UTS2: variants seen among roughly 807,000 people sequenced by gnomAD.
The protein encoded by UTS2 is urotensin 2, also known as urotensin-2.
In UTS2, 10 loss-of-function variants were observed where a neutral mutation model predicts 12.6. That is an observed-to-expected ratio of 0.80 (90% CI 0.49 to 1.35). The LOEUF (loss-of-function observed/expected upper bound fraction) is 1.35, where lower values mean the gene tolerates loss of function less well. Among genes scored for constraint, UTS2 ranks in the 40% most tolerant of loss-of-function variants. UTS2 has a pLI of 0.00. For missense variants in UTS2, 142 were observed against 143.2 expected (o/e 0.99, Z 0.04); for synonymous variants, 52 against 50.0 (o/e 1.04, Z -0.17).
At chr1:7,883,437 G>A in the UTS2 span, among the ~76,000 whole-genome samples, 16 of 152,114 alleles carry the variant, frequency 1.1e-4, no homozygotes, top group Non-Finnish European at 2.4e-4. Flanking sequence ...CAGTTTGAGA[G>A]AAGGAATAAG....
At chr1:7,861,763 G>T in the UTS2 span, among the ~76,000 whole-genome samples, 2 of 152,124 alleles carry the variant, frequency 1.3e-5, no homozygotes, top group African/African-American at 2.4e-5. Flanking sequence ...CCCAGTGGTG[G>T]TTAGGTACAG....
At chr1:7,849,833 G>C (rs2097412073) in intron 2 of UTS2, 150 bp from the exon 3 acceptor site, 1 of 651,952 alleles carries the variant, frequency 1.5e-6, no homozygotes, top group Non-Finnish European at 2.5e-6. Context: ...AGACAGACAG[G>C]CACTCCTGTT....
chr1:7,881,559 GAATT>G, the UTS2 span, among the ~76,000 whole-genome samples: 1 of 151,964 alleles, frequency 6.6e-6, no homozygotes, highest in Non-Finnish European at 1.5e-5. Context: ...AAAAATCTAG[GAATT>G]AATTTAACCA....
the UTS2 span, among the ~76,000 whole-genome samples, chr1:7,872,173 C>T: frequency 6.6e-5 from 10 of 151,440 alleles, no homozygotes; most frequent in East Asian, 1.9e-4. Flanking sequence ...TGGTGGCACG[C>T]GCCTATAGTC....
At chr1:7,911,845 G>A in the UTS2 span, among the ~76,000 whole-genome samples, 4 of 146,542 alleles carry the variant, frequency 2.7e-5, no homozygotes, top group Admixed American at 7.1e-5. Context: ...AGGTTACAGT[G>A]AGCCAAGATC....
chr1:7,879,736 G>C, the UTS2 span, among the ~76,000 whole-genome samples: 2 of 142,866 alleles, frequency 1.4e-5, no homozygotes, highest in African/African-American at 5.5e-5. Context: ...GCAAGACTCT[G>C]TCTAACAACA....
chr1:7,893,968 A>G, the UTS2 span, among the ~76,000 whole-genome samples: 2 of 152,040 alleles, frequency 1.3e-5, no homozygotes, highest in African/African-American at 4.8e-5. Flanking sequence ...CTAGAGAGAG[A>G]ATTCGGGTCT....
At chr1:7,893,794 G>A in the UTS2 span, among the ~76,000 whole-genome samples, 1 of 152,050 alleles carries the variant, frequency 6.6e-6, no homozygotes, top group Non-Finnish European at 1.5e-5. Flanking sequence ...ATATTTCGTC[G>A]CACTTTTTAA....
upstream of UTS2, chr1:7,853,618 G>A (rs1182298287): frequency 4.6e-6 from 3 of 645,848 alleles, no homozygotes; most frequent in Non-Finnish European, 7.5e-6. Context: ...GTGGCCTCAT[G>A]TGAAGCCGCA....
chr1:7,847,956 A>G (rs2097409565), intron 3 of UTS2, 74 bp from the exon 4 acceptor site: 1 of 1,077,378 alleles, frequency 9.3e-7, no homozygotes, highest in African/African-American at 1.6e-5. Flanking sequence ...TTCCTATAAG[A>G]AAAAGGAATC....
At chr1:7,867,791 G>A in the UTS2 span, among the ~76,000 whole-genome samples, 13 of 152,146 alleles carry the variant, frequency 8.5e-5, no homozygotes, top group Non-Finnish European at 1.5e-4. Flanking sequence ...CAGGAGAATC[G>A]CTTGAACCCG....
the UTS2 span, among the ~76,000 whole-genome samples, chr1:7,871,068 T>C: frequency 6.6e-5 from 10 of 152,376 alleles, no homozygotes; most frequent in South Asian, 1.2e-3. Context: ...CTAAAGCCAC[T>C]GTTGGCAGAA....
chr1:7,853,794 G>C (rs1166338375), upstream of UTS2, among the ~76,000 whole-genome samples: 1 of 152,234 alleles, frequency 6.6e-6, no homozygotes, highest in African/African-American at 2.4e-5. Context: ...CCGGATGGGT[G>C]GAAAGGTCCC....
chr1:7,887,644 T>C, the UTS2 span, among the ~76,000 whole-genome samples: 2 of 143,268 alleles, frequency 1.4e-5, no homozygotes, highest in African/African-American at 5.3e-5. Flanking sequence ...CACATGAATG[T>C]AGTCCCAGCT....
the UTS2 span, among the ~76,000 whole-genome samples, chr1:7,872,828 A>G: frequency 1.3e-5 from 2 of 152,214 alleles, no homozygotes; most frequent in Non-Finnish European, 2.9e-5. Context: ...TTCCGTGTAG[A>G]TAAACCAGCC....
the UTS2 span, among the ~76,000 whole-genome samples, chr1:7,904,390 T>C: frequency 6.6e-6 from 1 of 151,606 alleles, no homozygotes; most frequent in Non-Finnish European, 1.5e-5. Context: ...GGTGGGAGAA[T>C]CTCTTGAGCC....
At chr1:7,852,252 A>T (rs2097414954) in intron 1 of UTS2, among the ~76,000 whole-genome samples, 1 of 152,234 alleles carries the variant, frequency 6.6e-6, no homozygotes, top group Non-Finnish European at 1.5e-5. Context: ...ATCCCCAAGC[A>T]TTAGCTTTCT....
the UTS2 span, among the ~76,000 whole-genome samples, chr1:7,900,038 A>G: frequency 6.6e-6 from 1 of 152,216 alleles, no homozygotes; most frequent in South Asian, 2.1e-4. Context: ...ACCTGGAATC[A>G]TCAGATGCAA....
At chr1:7,888,898 G>A in the UTS2 span, among the ~76,000 whole-genome samples, 1 of 152,126 alleles carries the variant, frequency 6.6e-6, no homozygotes, top group Non-Finnish European at 1.5e-5. Flanking sequence ...ATCCTGCCCT[G>A]CCTCCAACCA....
Sources: allele counts gnomAD v4.1 joint callset (sites outside exome capture counted in the v4.1 genomes callset), GRCh38; gene constraint gnomAD v4.1.1; transcripts MANE v1.5; gene names NCBI Gene and HGNC (gene_info 2026-07-23, HGNC 2026-07-21).